Variants in TRPC1 observed in about 807,000 individuals in gnomAD.
The protein encoded by TRPC1 is transient receptor potential cation channel subfamily C member 1.
TRPC1 carries 42 observed loss-of-function variants against 88.2 expected under a neutral mutation model. The ratio of observed to expected loss-of-function variants is 0.48; its 90% CI spans 0.37 to 0.62. The LOEUF (loss-of-function observed/expected upper bound fraction) is 0.62. Ranked by LOEUF, TRPC1 falls within the 20% of genes least tolerant of loss-of-function variation. TRPC1 has a pLI of 0.00. For synonymous variants in TRPC1, 288 were observed against 331.8 expected (o/e 0.87, Z 1.43); for missense variants, 699 against 957.3 (o/e 0.73, Z 3.56).
In TRPC1 at chr3:142,793,069, A is replaced by C. The variant is rs914202353; in HGVS notation, c.1581+102A>C. 7 of 1,056,554 alleles carry C rather than the reference A, an allele frequency of 6.6e-6. No individual in the cohort carries two copies. In the African/African-American group the frequency reaches 9.9e-5, roughly 15 times the overall value. 65.4% of individuals were successfully genotyped at this position (1,056,554 alleles called of 1,614,324 possible). The stretch of plus-strand genomic sequence containing the variant: ...ACTGTTCTCTCATGATATTAAAGCT[A>C]AACTTTGCTCTTGAGAATAAGTAGC... On this transcript the variant is annotated intron_variant, in intron 9 of 12. Coordinates refer to ENST00000476941, the MANE Select transcript of TRPC1 (RefSeq NM_001251845.2).
At chr3:142,798,829 GATT>G (rs1287924399) in intron 9 of TRPC1, among the ~76,000 whole-genome samples, 1 of 152,124 alleles carries the variant, frequency 6.6e-6, no homozygotes, top group Non-Finnish European at 1.5e-5. Flanking sequence ...TAGAAGTTGT[GATT>G]ATTATTGCTT....
chr3:142,802,904 T>C (rs1282073804), intron 10 of TRPC1, among the ~76,000 whole-genome samples: 1 of 152,340 alleles, frequency 6.6e-6, no homozygotes, highest in East Asian at 1.9e-4. Flanking sequence ...ACATTTGTCA[T>C]GTTCTTATTA....
chr3:142,748,517 T>C, intron 4 of TRPC1, 57 bp downstream of exon 4: 1 of 1,561,330 alleles, frequency 6.4e-7, no homozygotes, highest in Admixed American at 1.7e-5. Context: ...CAATGTTGAT[T>C]TTTAAAATTG....
At chr3:142,727,140 C>T (rs1263361948) in intron 1 of TRPC1, among the ~76,000 whole-genome samples, 1 of 152,116 alleles carries the variant, frequency 6.6e-6, no homozygotes, top group Admixed American at 6.5e-5. Flanking sequence ...ATTACATTTT[C>T]TTTGTATGGA....
intron 9 of TRPC1, among the ~76,000 whole-genome samples, chr3:142,801,692 A>T (rs1578013544): frequency 6.6e-6 from 1 of 152,186 alleles, no homozygotes; most frequent in East Asian, 1.9e-4. Context: ...GGGCAGTCCC[A>T]TAGGAGGAAA....
At chr3:142,797,121 T>C (rs1294364093) in intron 9 of TRPC1, among the ~76,000 whole-genome samples, 1 of 152,008 alleles carries the variant, frequency 6.6e-6, no homozygotes, top group African/African-American at 2.4e-5. Flanking sequence ...GCTTCTGTTT[T>C]TGACCTCATG....
At position 142,791,127 on chromosome 3, in the gene TRPC1, C is replaced by T; in HGVS notation, c.1406C>T (p.Thr469Ile). 1 of 1,606,998 alleles carries T rather than the reference C, an allele frequency of 6.2e-7. No individual in the cohort carries two copies. Among genetic ancestry groups the T allele is most frequent in the Non-Finnish European group, 8.5e-7 (1 of 1,177,304 alleles). The change falls in exon 8 of 13, where the codon ACC becomes ATC. Residue 469 changes from threonine to isoleucine, a missense_variant. This residue lies in a region of TRPC1 where 426 missense variants were observed against 641.3 expected (regional missense o/e 0.66). Coordinates refer to ENST00000476941, the MANE Select transcript of TRPC1 (RefSeq NM_001251845.2). Reference sequence around the variant, plus strand: ...GTCATGAATTCTCTTTATTTGGCAACCTTTGCCCTCAAAGTGGTTGCTCAC... The same window carrying T: ...GTCATGAATTCTCTTTATTTGGCAATCTTTGCCCTCAAAGTGGTTGCTCAC... ...SFVMNSLYLA[T>I]FALKVVAHNK...
At chr3:142,735,276 G>A (rs1934085542) in intron 1 of TRPC1, among the ~76,000 whole-genome samples, 1 of 152,058 alleles carries the variant, frequency 6.6e-6, no homozygotes, top group African/African-American at 2.4e-5. Flanking sequence ...AATAAAATAT[G>A]TTACCTGTCT....
In TRPC1 at chr3:142,724,616, G is replaced by GCCTTCCTCTCCATCC. The variant is rs767719285; in HGVS notation, c.58_72dup (p.Pro20_Ser24dup). ...TCTCGGGCGCCTCCTCCTCCTCCCT[G>GCCTTCCTCTCCATCC]CCTTCCTCTCCATCCTCTTCCTCGC... On this transcript the variant is annotated inframe_insertion, in exon 1 of 13. Transcript: ENST00000476941. This position sits in a 1 kb window ranked among gnomAD's most constrained non-coding sequence, Gnocchi z 5.6. 2 of 1,610,946 alleles carry GCCTTCCTCTCCATCC rather than the reference G, an allele frequency of 1.2e-6. No homozygotes were observed. Among genetic ancestry groups the GCCTTCCTCTCCATCC allele is most frequent in the East Asian group, 2.2e-5 (1 of 44,666 alleles).
chr3:142,804,739 A>T (rs1050365599), intron 12 of TRPC1, 109 bp downstream of exon 12: 1 of 840,482 alleles, frequency 1.2e-6, no homozygotes, highest in Non-Finnish European at 1.8e-6. Context: ...TGACTGTCTG[A>T]CTTTTTTTCA....
At chr3:142,735,991 A>G (rs7632891) in intron 1 of TRPC1, among the ~76,000 whole-genome samples, 4,541 of 152,246 alleles carry the variant, frequency 0.03, 243 homozygotes, top group African/African-American at 0.1. Context: ...TATTTGAGGT[A>G]TAAAACTTAA....
chr3:142,730,352 A>G (rs1232551058), intron 1 of TRPC1, among the ~76,000 whole-genome samples: 2 of 152,158 alleles, frequency 1.3e-5, no homozygotes, highest in African/African-American at 4.8e-5. Context: ...TCTTTTGCCA[A>G]ATGATATTCA....
rs570183320 is a variant in TRPC1 at position 142,798,658 on chromosome 3, TA to T, written c.1582-3505del. Among the ~76,000 whole-genome samples the T allele has an allele frequency of 2.0e-4, 30 of 152,272 alleles. No individual in the cohort carries two copies. The South Asian group carries it at 4.6e-3, about 23-fold the overall frequency. ...TGGATTGGAGTTGGGGAGATGAGGCTAAAAAAGACAGGCTGGGCTGGACACT... is the reference window on the plus strand; with the variant it reads ...TGGATTGGAGTTGGGGAGATGAGGCTAAAAAGACAGGCTGGGCTGGACACT... On this transcript the variant is annotated intron_variant, in intron 9 of 12. Coordinates refer to ENST00000476941, the MANE Select transcript of TRPC1 (RefSeq NM_001251845.2).
In TRPC1 at chr3:142,773,157, G is replaced by A. The variant is rs545267008; in HGVS notation, c.633-4475G>A. 2.0e-5 allele frequency among the ~76,000 whole-genome samples: 3 copies of A among 152,278 alleles called. No individual in the cohort carries two copies. The South Asian group carries it at 6.2e-4, about 32-fold the overall frequency. On this transcript the variant is annotated intron_variant, in intron 4 of 12. Transcript: ENST00000476941. ...AGGGATACAATTCAACCCATAGCAA[G>A]CCTCTCTAGTGAATTTCTAATTTCA...
rs1321966262 is a variant in TRPC1 at position 142,785,009 on chromosome 3, A to T, written c.1266A>T (p.Arg422Ser). 2 of 1,611,556 alleles carry T rather than the reference A, an allele frequency of 1.2e-6. No individual in the cohort carries two copies. The highest frequency in any genetic ancestry group is 8.5e-7 in the Non-Finnish European group (1 of 1,179,082). Residue 422 changes from arginine to serine, a missense_variant, in exon 7 of 13, where the codon AGA becomes AGT. Around this residue, in one of 4 missense-constraint regions of TRPC1, gnomAD observed 426 missense variants for 641.3 expected, o/e 0.66. Coordinates refer to ENST00000476941, the MANE Select transcript of TRPC1 (RefSeq NM_001251845.2). Reference sequence around the variant, plus strand: ...ACACAATGGGGCCAGCCCTTGAAAGAATAGACTATCTTCTTATTCTGTGGA... The same window carrying T: ...ACACAATGGGGCCAGCCCTTGAAAGTATAGACTATCTTCTTATTCTGTGGA... ...KKNTMGPALE[R>S]IDYLLILWII...
intron 10 of TRPC1, among the ~76,000 whole-genome samples, chr3:142,803,329 G>A (rs1193295349): frequency 1.3e-5 from 2 of 152,308 alleles, no homozygotes; most frequent in African/African-American, 2.4e-5. Flanking sequence ...AAAGGCAAGT[G>A]TCCAGAGGTA....
chr3:142,768,995 A>C (rs1330044031), intron 4 of TRPC1, among the ~76,000 whole-genome samples: 2 of 152,202 alleles, frequency 1.3e-5, no homozygotes, highest in East Asian at 3.9e-4. Context: ...CATAATTACT[A>C]TTTCTGTGCC....
intron 9 of TRPC1, among the ~76,000 whole-genome samples, chr3:142,794,828 G>A (rs566913459): frequency 7.2e-4 from 109 of 152,122 alleles, no homozygotes; most frequent in African/African-American, 2.4e-3. Context: ...TAGTTTCAAC[G>A]AACAAATATT....
intron 4 of TRPC1, among the ~76,000 whole-genome samples, chr3:142,768,170 T>A (rs1483814165): frequency 6.6e-6 from 1 of 152,082 alleles, no homozygotes; most frequent in Non-Finnish European, 1.5e-5. Context: ...TCTGCTGTTT[T>A]AGGGAAATGT....
Sources: allele counts gnomAD v4.1 joint callset (sites outside exome capture counted in the v4.1 genomes callset), GRCh38; gene constraint gnomAD v4.1.1; regional missense constraint gnomAD v4.1.1; non-coding constraint Gnocchi (gnomAD v3.1); transcripts MANE v1.5; gene names NCBI Gene and HGNC (gene_info 2026-07-23, HGNC 2026-07-21).